Variants in AAK1 observed in about 807,000 individuals in gnomAD.
AAK1 encodes the protein AP2-associated protein kinase 1.
In AAK1, 37 loss-of-function variants were observed where a neutral mutation model predicts 116.0. That is an observed-to-expected ratio of 0.32 (90% confidence interval 0.25 to 0.42). The LOEUF (loss-of-function observed/expected upper bound fraction) is 0.42, where lower values mean the gene tolerates loss of function less well. Ranked by LOEUF, AAK1 falls within the 10% of genes least tolerant of loss-of-function variation. AAK1 has a pLI of 1.00. For synonymous variants in AAK1, 458 were observed against 439.9 expected, an observed-to-expected ratio of 1.04 and a Z score of -0.51; for missense variants, 919 against 1,170.6, an observed-to-expected ratio of 0.79 and a Z score of 3.14.
intron 6 of AAK1, among the ~76,000 whole-genome samples, chr2:69,530,931 TG>T (rs1670229882): frequency 6.6e-6 from 1 of 152,210 alleles, no homozygotes; most frequent in Non-Finnish European, 1.5e-5. Context: ...TAAGAACATG[TG>T]GGGACTCAGA....
chr2:69,642,910 T>A lies in AAK1; in HGVS notation c.131A>T (p.Gln44Leu). 1.9e-6 allele frequency: 3 copies of A among 1,613,926 alleles called. No homozygotes were observed. The South Asian group carries it at 3.3e-5, about 18-fold the overall frequency. Residue 44 changes from glutamine (Q) to leucine (L), a missense_variant, in exon 2 of 22, where the codon CAG becomes CTG. Coordinates refer to ENST00000409085, the MANE Select transcript of AAK1 (RefSeq NM_014911.5). ...YIGRVFGIGR[Q>L]QVTVDEVLAE... ...CAACACCTCGTCCACTGTGACCTGC[T>A]GTCGCCCGATGCCGAAGACTCTTCC... is the stretch of plus-strand genomic sequence containing the variant.
At chr2:69,478,723 G>C (rs1414733972) in intron 20 of AAK1, 3 of 410,806 alleles carry the variant, frequency 7.3e-6, no homozygotes, top group Non-Finnish European at 1.3e-5. Context: ...CAAAGTGCTG[G>C]GATTGCAGGC....
intron 3 of AAK1, among the ~76,000 whole-genome samples, chr2:69,556,098 A>G (rs1671374519): frequency 6.6e-6 from 1 of 152,222 alleles, no homozygotes; most frequent in Non-Finnish European, 1.5e-5. Flanking sequence ...AAGTTTTAAG[A>G]ATTGAAGTCT....
chr2:69,486,236 A>C (rs1675296211), intron 17 of AAK1, among the ~76,000 whole-genome samples: 1 of 152,124 alleles, frequency 6.6e-6, no homozygotes, highest in Non-Finnish European at 1.5e-5. Context: ...TGCTGACATT[A>C]CAGGTATGAG....
At chr2:69,642,365 TCCA>T (rs1273693421) in intron 2 of AAK1, among the ~76,000 whole-genome samples, 1 of 152,130 alleles carries the variant, frequency 6.6e-6, no homozygotes, top group Non-Finnish European at 1.5e-5. Flanking sequence ...ACTAGTGAAA[TCCA>T]CCAAGAGCCT....
Position 69,643,616 on chromosome 2 carries a change from G to T in AAK1, c.-276C>A, listed in dbSNP as rs1675857822. On this transcript the variant is annotated 5_prime_UTR_variant, in exon 1 of 22. It introduces an in-frame stop codon into an upstream open reading frame of the 5' UTR. Coordinates refer to ENST00000409085, the MANE Select transcript of AAK1 (RefSeq NM_014911.5). ...GCCGGCGCCCTGCTACCAGCCCCGCGACATTGTCACGGCCGCCGGGCCGGC... is the reference window on the plus strand; with the variant it reads ...GCCGGCGCCCTGCTACCAGCCCCGCTACATTGTCACGGCCGCCGGGCCGGC... The T allele has an allele frequency of 8.1e-7, 1 of 1,228,890 alleles. No individual in the cohort carries two copies. Among genetic ancestry groups the T allele is most frequent in the South Asian group, 4.2e-5 (1 of 24,010 alleles). 76.1% of individuals were successfully genotyped at this position (1,228,890 alleles called of 1,614,324 possible).
At chr2:69,603,186 T>C (rs1673653446) in intron 2 of AAK1, among the ~76,000 whole-genome samples, 1 of 152,232 alleles carries the variant, frequency 6.6e-6, no homozygotes, top group Admixed American at 6.5e-5. Context: ...TAAATGTTTA[T>C]TTTTCCAGTG....
chr2:69,603,899 A>C (rs1673686159), intron 2 of AAK1, among the ~76,000 whole-genome samples: 1 of 152,194 alleles, frequency 6.6e-6, no homozygotes, highest in African/African-American at 2.4e-5. Flanking sequence ...CAGAATTGGA[A>C]ACCTGATGCA....
intron 2 of AAK1, among the ~76,000 whole-genome samples, chr2:69,581,277 C>G (rs1304729366): frequency 6.6e-6 from 1 of 152,090 alleles, no homozygotes; most frequent in African/African-American, 2.4e-5. Flanking sequence ...CCACACCCAG[C>G]TAATTTTTGT....
At chr2:69,640,574 A>T (rs772353335) in intron 2 of AAK1, among the ~76,000 whole-genome samples, 1 of 152,214 alleles carries the variant, frequency 6.6e-6, no homozygotes, top group Admixed American at 6.5e-5. Flanking sequence ...CATCCATCTC[A>T]GAACTTCATA....
rs575085261 is a variant in AAK1, at chr2:69,561,209, C to G, written c.164-4231G>C. Among the ~76,000 whole-genome samples, 264 of 152,272 alleles carry G rather than the reference C, an allele frequency of 1.7e-3. 1 individual carries two copies. Among genetic ancestry groups the G allele is most frequent in the Non-Finnish European group, 2.6e-3 (179 of 68,016 alleles). On this transcript the variant is annotated intron_variant, in intron 2 of 21. Transcript: ENST00000409085. ...TTTCTATGTCTGATCTAGTCTAACACCTTCATTTTACTCAAAGCCAAGAAG... is the reference window on the plus strand; with the variant it reads ...TTTCTATGTCTGATCTAGTCTAACAGCTTCATTTTACTCAAAGCCAAGAAG...
At chr2:69,514,094 G>C (rs1676490839) in intron 13 of AAK1, among the ~76,000 whole-genome samples, 1 of 152,168 alleles carries the variant, frequency 6.6e-6, no homozygotes, top group African/African-American at 2.4e-5. Context: ...CCAGGGCCTG[G>C]AAAGGGCACA....
At chr2:69,635,337 T>C (rs911546868) in intron 2 of AAK1, among the ~76,000 whole-genome samples, 1 of 152,218 alleles carries the variant, frequency 6.6e-6, no homozygotes, top group African/African-American at 2.4e-5. Context: ...CTTTGTGCAC[T>C]GTTGATGGGA....
At chr2:69,518,326 T>G (rs761505825) in intron 12 of AAK1, among the ~76,000 whole-genome samples, 3 of 152,056 alleles carry the variant, frequency 2.0e-5, no homozygotes, top group Non-Finnish European at 2.9e-5. Flanking sequence ...TAAGAAACTA[T>G]TGTTATTTTT....
chr2:69,627,538 C>G (rs1471894927), intron 2 of AAK1, among the ~76,000 whole-genome samples: 1 of 152,092 alleles, frequency 6.6e-6, no homozygotes, highest in Non-Finnish European at 1.5e-5. Context: ...AAGGCACCAG[C>G]CAAGCCTTAG....
At position 69,471,651 on chromosome 2, in the gene AAK1, A is replaced by C. The variant is rs1454524778; in HGVS notation, c.*4218T>G. 1 of 985,436 alleles carries C rather than the reference A, an allele frequency of 1.0e-6. No individual in the cohort carries two copies. Among genetic ancestry groups the C allele is most frequent in the Non-Finnish European group, 1.2e-6 (1 of 829,912 alleles). 61.0% of individuals were successfully genotyped at this position (985,436 alleles called of 1,614,324 possible). ...ATAATCTTGCAGACAGAGAAGGTTAAGGACTCTGGGAAATCACAGAAAAAC... is the reference window on the plus strand; with the variant it reads ...ATAATCTTGCAGACAGAGAAGGTTACGGACTCTGGGAAATCACAGAAAAAC... On this transcript the variant is annotated 3_prime_UTR_variant, in exon 22 of 22. Coordinates refer to ENST00000409085, the MANE Select transcript of AAK1 (RefSeq NM_014911.5).
chr2:69,577,765 TCAC>T (rs1572973822), intron 2 of AAK1, among the ~76,000 whole-genome samples: 2 of 152,016 alleles, frequency 1.3e-5, no homozygotes, highest in East Asian at 3.9e-4. Flanking sequence ...TAATCCCCAC[TCAC>T]CACAACTGTC....
chr2:69,517,434 A>G (rs749356817), intron 12 of AAK1, among the ~76,000 whole-genome samples: 2 of 152,120 alleles, frequency 1.3e-5, no homozygotes, highest in Non-Finnish European at 2.9e-5. Flanking sequence ...TCAGACAGAC[A>G]ACACCTCAAT....
At chr2:69,643,354 A>G in intron 1 of AAK1, 80 bp from the exon 2 acceptor site, 16 of 1,212,854 alleles carry the variant, frequency 1.3e-5, no homozygotes, top group Non-Finnish European at 1.7e-5. Context: ...GGGGGAGCAA[A>G]AGCCATCATC....
Sources: gnomAD v4.1 joint callset for allele counts (sites outside exome capture counted in the v4.1 genomes callset) on GRCh38, gnomAD v4.1.1 for gene constraint, MANE v1.5 for transcripts, NCBI Gene and HGNC (gene_info 2026-07-23, HGNC 2026-07-21) for gene names.